The following SLC71A2 variants were observed in gnomAD, a reference collection of about 807,000 sequenced individuals.
The protein encoded by SLC71A2 is hippocampus abundant transcript-like 1.
the SLC71A2 span, among the ~76,000 whole-genome samples, chr9:94,407,604 C>G: frequency 6.6e-6 from 1 of 152,098 alleles, no homozygotes; most frequent in Non-Finnish European, 1.5e-5. Flanking sequence ...GTGTCGAACT[C>G]TTGACCTTGT....
chr9:94,398,340 A>G, the SLC71A2 span, among the ~76,000 whole-genome samples: 70 of 151,336 alleles, frequency 4.6e-4, no homozygotes, highest in African/African-American at 8.3e-4. Context: ...TATTTCTGCA[A>G]TGGGTTACAG....
the SLC71A2 span, among the ~76,000 whole-genome samples, chr9:94,410,017 G>A: frequency 6.8e-6 from 1 of 147,876 alleles, no homozygotes; most frequent in East Asian, 1.9e-4. Context: ...GGGTATTGAA[G>A]TCTCCAGCTA....
chr9:94,381,522 C>G, the SLC71A2 span, among the ~76,000 whole-genome samples: 1 of 152,156 alleles, frequency 6.6e-6, no homozygotes, highest in Admixed American at 6.6e-5. Flanking sequence ...TTGTACATTC[C>G]CTTGTTGATG....
chr9:94,384,741 C>T, the SLC71A2 span, among the ~76,000 whole-genome samples: 3 of 151,986 alleles, frequency 2.0e-5, no homozygotes, highest in East Asian at 1.9e-4. Flanking sequence ...TGCTATGGTG[C>T]GAATGTCTCA....
At chr9:94,445,181 C>T in the SLC71A2 span, 33 of 1,601,146 alleles carry the variant, frequency 2.1e-5, no homozygotes, top group African/African-American at 5.4e-5. Flanking sequence ...GACCCTTTTG[C>T]GGTAAATAAA....
At chr9:94,457,097 A>AG in the SLC71A2 span, among the ~76,000 whole-genome samples, 2 of 151,794 alleles carry the variant, frequency 1.3e-5, no homozygotes, top group East Asian at 3.9e-4. Flanking sequence ...CCCAAGTACC[A>AG]GGGACTAGAG....
chr9:94,414,022 C>T, the SLC71A2 span, among the ~76,000 whole-genome samples: 1 of 151,994 alleles, frequency 6.6e-6, no homozygotes, highest in Non-Finnish European at 1.5e-5. Context: ...GTTTTGTCTT[C>T]ACCTGACTGT....
the SLC71A2 span, among the ~76,000 whole-genome samples, chr9:94,455,156 C>CATTTTTT: frequency 3.6e-5 from 1 of 27,686 alleles, no homozygotes; most frequent in Non-Finnish European, 5.7e-5. Flanking sequence ...TTGCTCTTTC[C>CATTTTTT]TTTTTTTTTT....
the SLC71A2 span, among the ~76,000 whole-genome samples, chr9:94,423,591 C>T: frequency 4.6e-5 from 7 of 152,066 alleles, no homozygotes; most frequent in African/African-American, 1.7e-4. Flanking sequence ...CTCAGTCTTA[C>T]TACTGACTAG....
At chr9:94,379,835 A>G in the SLC71A2 span, among the ~76,000 whole-genome samples, 1 of 152,264 alleles carries the variant, frequency 6.6e-6, no homozygotes, top group East Asian at 1.9e-4. Flanking sequence ...TATCCAGGAA[A>G]GTATTCAATG....
At chr9:94,424,250 G>C in the SLC71A2 span, among the ~76,000 whole-genome samples, 3 of 151,866 alleles carry the variant, frequency 2.0e-5, no homozygotes, top group African/African-American at 4.8e-5. Context: ...GGCGGAGGGG[G>C]GAGCAATGGA....
chr9:94,428,919 A>G, the SLC71A2 span, among the ~76,000 whole-genome samples: 2 of 151,686 alleles, frequency 1.3e-5, no homozygotes, highest in East Asian at 3.9e-4. Context: ...GAATTATACA[A>G]TACAATATGT....
the SLC71A2 span, chr9:94,440,951 T>C: frequency 7.3e-7 from 1 of 1,367,520 alleles, no homozygotes; most frequent in Non-Finnish European, 1.0e-6. Context: ...ATACACTCCC[T>C]TTCCCTTGGG....
chr9:94,433,975 T>C, the SLC71A2 span, among the ~76,000 whole-genome samples: 2 of 152,156 alleles, frequency 1.3e-5, no homozygotes, highest in Non-Finnish European at 2.9e-5. Flanking sequence ...TTTATAACAA[T>C]GTATTGTGTT....
the SLC71A2 span, among the ~76,000 whole-genome samples, chr9:94,401,569 C>T: frequency 2.0e-5 from 3 of 151,744 alleles, no homozygotes; most frequent in Admixed American, 2.0e-4. Context: ...TGTTGACGAT[C>T]GGGATTTATT....
the SLC71A2 span, among the ~76,000 whole-genome samples, chr9:94,411,645 C>T: frequency 4.2e-3 from 638 of 151,086 alleles, 3 homozygotes; most frequent in African/African-American, 0.015. Context: ...GGCTGGAGTG[C>T]AATGGCGTGA....
the SLC71A2 span, among the ~76,000 whole-genome samples, chr9:94,441,280 G>A: frequency 3.9e-5 from 6 of 152,132 alleles, no homozygotes; most frequent in African/African-American, 1.4e-4. Flanking sequence ...TATAAAGGAG[G>A]CATAGAGGCT....
chr9:94,417,471 T>C, the SLC71A2 span, among the ~76,000 whole-genome samples: 2 of 151,886 alleles, frequency 1.3e-5, no homozygotes, highest in African/African-American at 4.8e-5. Context: ...GTACTAAAAA[T>C]ACAAAATTAA....
chr9:94,421,238 T>C, the SLC71A2 span, among the ~76,000 whole-genome samples: 2 of 152,164 alleles, frequency 1.3e-5, no homozygotes, highest in South Asian at 4.2e-4. Context: ...TTGTGTAAGC[T>C]TTTAATGGAA....
Sources: allele counts gnomAD v4.1 joint callset (sites outside exome capture counted in the v4.1 genomes callset), GRCh38; gene constraint gnomAD v4.1.1; transcripts MANE v1.5; gene names NCBI Gene and HGNC (gene_info 2026-07-23, HGNC 2026-07-21).